SGCD: variants seen among roughly 807,000 people sequenced by gnomAD.
The protein encoded by SGCD is delta-sarcoglycan.
A neutral mutation model predicts 36.6 loss-of-function variants in SGCD; 18 were observed. That is an observed-to-expected ratio of 0.49 (90% CI 0.34 to 0.73). The LOEUF is 0.73. Ranked by LOEUF, SGCD falls within the 30% of genes least tolerant of loss-of-function variation. SGCD has a pLI of 0.01. For synonymous variants in SGCD, 133 were observed against 130.6 expected (o/e 1.02, Z -0.12); for missense variants, 387 against 346.7 (o/e 1.12, Z -0.92).
intron 1 of SGCD, among the ~76,000 whole-genome samples, chr5:156,056,330 C>T (rs1760055421): frequency 6.9e-6 from 1 of 145,938 alleles, no homozygotes. Context: ...ACCAGACTGC[C>T]TTTGTAGGAC....
At chr5:156,598,825 A>C (rs1397227999) in intron 6 of SGCD, among the ~76,000 whole-genome samples, 2 of 152,152 alleles carry the variant, frequency 1.3e-5, no homozygotes, top group Admixed American at 1.3e-4. Flanking sequence ...CCCCACCCCC[A>C]CATTCACTTA....
At chr5:156,346,201 C>T (rs950235664) in intron 3 of SGCD, among the ~76,000 whole-genome samples, 1 of 148,474 alleles carries the variant, frequency 6.7e-6, no homozygotes, top group South Asian at 2.1e-4. Flanking sequence ...TTTGTGGTAA[C>T]AGGAAACCAT....
intron 3 of SGCD, among the ~76,000 whole-genome samples, chr5:156,374,718 G>A (rs892346983): frequency 2.8e-5 from 4 of 143,878 alleles, no homozygotes; most frequent in African/African-American, 1.0e-4. Flanking sequence ...CTGGAGTGCA[G>A]TGGTGCGATC....
chr5:155,951,693 A>C (rs566986496), intron 1 of SGCD, among the ~76,000 whole-genome samples: 1 of 152,130 alleles, frequency 6.6e-6, no homozygotes, highest in Non-Finnish European at 1.5e-5. Flanking sequence ...GAGATAGGCT[A>C]TGTCAAATGC....
chr5:155,771,155 G>A, the SGCD span, among the ~76,000 whole-genome samples: 16 of 152,216 alleles, frequency 1.1e-4, 1 homozygote, highest in South Asian at 2.9e-3. Flanking sequence ...TCCCTTGCGT[G>A]CAGTCATTCA....
the SGCD span, among the ~76,000 whole-genome samples, chr5:155,827,131 G>A: frequency 1.3e-5 from 2 of 152,164 alleles, no homozygotes; most frequent in East Asian, 3.8e-4. Flanking sequence ...GGGGACATGA[G>A]ACTAATGGGT....
At chr5:156,067,874 G>C (rs925504666) in intron 1 of SGCD, among the ~76,000 whole-genome samples, 1 of 131,702 alleles carries the variant, frequency 7.6e-6, no homozygotes, top group South Asian at 2.1e-4. Flanking sequence ...CGGTACCTCA[G>C]ATGGAAATGC....
chr5:155,729,013 C>G, the SGCD span, among the ~76,000 whole-genome samples: 2 of 152,234 alleles, frequency 1.3e-5, no homozygotes, highest in East Asian at 1.9e-4. Context: ...CTAATGGAGG[C>G]CCCCTTTACC....
intron 3 of SGCD, among the ~76,000 whole-genome samples, chr5:156,461,173 G>A (rs1754473524): frequency 6.6e-6 from 1 of 152,088 alleles, no homozygotes; most frequent in Non-Finnish European, 1.5e-5. Flanking sequence ...CTTCCCCTTT[G>A]TAATGTCAAT....
chr5:155,831,914 T>A, the SGCD span, among the ~76,000 whole-genome samples: 1 of 152,270 alleles, frequency 6.6e-6, no homozygotes, highest in African/African-American at 2.4e-5. Flanking sequence ...TCAGAAGTCT[T>A]GTGGTATTTA....
At chr5:156,577,712 G>T (rs1018101400) in intron 4 of SGCD, among the ~76,000 whole-genome samples, 1 of 152,022 alleles carries the variant, frequency 6.6e-6, no homozygotes, top group African/African-American at 2.4e-5. Context: ...ATTTGGCTCT[G>T]TGTTTGTCTA....
At chr5:156,253,502 A>ATGT (rs1765636839) in intron 3 of SGCD, among the ~76,000 whole-genome samples, 1 of 152,202 alleles carries the variant, frequency 6.6e-6, no homozygotes, top group Admixed American at 6.5e-5. Context: ...AAGTGACAAA[A>ATGT]TGTAGTACTG....
the SGCD span, among the ~76,000 whole-genome samples, chr5:155,815,507 G>A: frequency 1.3e-5 from 2 of 152,158 alleles, no homozygotes; most frequent in Admixed American, 6.5e-5. Context: ...TCACATTGCT[G>A]TAAAGAACTA....
intron 6 of SGCD, among the ~76,000 whole-genome samples, chr5:156,614,502 C>T (rs1357139143): frequency 1.3e-5 from 2 of 152,194 alleles, no homozygotes; most frequent in Admixed American, 1.3e-4. Context: ...CCACTATTCC[C>T]TAAGAATGCT....
At chr5:156,482,550 A>G (rs1295790854) in intron 3 of SGCD, among the ~76,000 whole-genome samples, 5 of 152,190 alleles carry the variant, frequency 3.3e-5, no homozygotes, top group Non-Finnish European at 1.5e-5. Flanking sequence ...AATGGTTGCT[A>G]ACTAGGCTTT....
chr5:156,216,369 G>T (rs746868120), intron 3 of SGCD, among the ~76,000 whole-genome samples: 13 of 152,142 alleles, frequency 8.5e-5, no homozygotes, highest in Non-Finnish European at 1.3e-4. Context: ...GTATTAATTT[G>T]CTCAATTTAG....
chr5:156,734,491 T>C (rs1401500255), intron 7 of SGCD, among the ~76,000 whole-genome samples: 1 of 152,164 alleles, frequency 6.6e-6, no homozygotes, highest in Admixed American at 6.5e-5. Context: ...ATTGGCTCCA[T>C]TCTCCTCATC....
At chr5:155,796,806 C>CAAAAAAAAAAAAAAAAAAAAAAAAAAA in the SGCD span, among the ~76,000 whole-genome samples, 16 of 51,322 alleles carry the variant, frequency 3.1e-4, 2 homozygotes, top group African/African-American at 1.1e-3. Flanking sequence ...AACTCCATCT[C>CAAAAAAAAAAAAAAAAAAAAAAAAAAA]AAAAAAAAAA....
chr5:156,406,548 C>A (rs1049612718), intron 3 of SGCD, among the ~76,000 whole-genome samples: 2 of 151,784 alleles, frequency 1.3e-5, no homozygotes, highest in African/African-American at 4.8e-5. Flanking sequence ...TCCTTCAATC[C>A]GTTCAAGTTT....
Sources: allele counts gnomAD v4.1 joint callset (sites outside exome capture counted in the v4.1 genomes callset), GRCh38; gene constraint gnomAD v4.1.1; transcripts MANE v1.5; gene names NCBI Gene and HGNC (gene_info 2026-07-23, HGNC 2026-07-21).